The following WWC1 variants were observed in gnomAD, a reference collection of about 807,000 sequenced individuals.
WWC1 encodes the protein protein KIBRA.
A neutral mutation model predicts 138.4 loss-of-function variants in WWC1; 55 were observed. That is an observed-to-expected ratio of 0.40 (90% CI 0.32 to 0.50). The LOEUF (loss-of-function observed/expected upper bound fraction) is 0.50. WWC1 is among the 20% of genes least tolerant of loss of function. The pLI is 0.72. For synonymous variants in WWC1, 524 were observed against 564.9 expected (o/e 0.93, Z 1.03); for missense variants, 1,226 against 1,420.4 (o/e 0.86, Z 2.20).
intron 1 of WWC1, among the ~76,000 whole-genome samples, chr5:168,309,462 T>G (rs1057427593): frequency 6.6e-5 from 10 of 152,166 alleles, no homozygotes; most frequent in Non-Finnish European, 1.2e-4. Context: ...CATAGTGGAA[T>G]GTAGATCTTC....
At chr5:168,448,616 A>AT (rs756135846) in intron 17 of WWC1, among the ~76,000 whole-genome samples, 1,403 of 117,578 alleles carry the variant, frequency 0.012, 26 homozygotes, top group Non-Finnish European at 0.015. Context: ...CTCAAATAAG[A>AT]TTTTTTTTTT....
chr5:168,305,912 G>A (rs1240327321), intron 1 of WWC1, among the ~76,000 whole-genome samples: 4 of 152,214 alleles, frequency 2.6e-5, no homozygotes, highest in Non-Finnish European at 4.4e-5. Flanking sequence ...AAGCATAGCT[G>A]TAGGTAAATA....
chr5:168,337,376 C>A (rs1773575197), intron 1 of WWC1, among the ~76,000 whole-genome samples: 1 of 152,096 alleles, frequency 6.6e-6, no homozygotes, highest in South Asian at 2.1e-4. Flanking sequence ...TCCTCTCTTT[C>A]CTACACCCCT....
At chr5:168,309,306 A>G (rs1048842641) in intron 1 of WWC1, among the ~76,000 whole-genome samples, 5 of 152,194 alleles carry the variant, frequency 3.3e-5, no homozygotes. Flanking sequence ...TGTCTAGACA[A>G]GCACCGCAAA....
At chr5:168,363,901 G>A (rs1031451955) in intron 1 of WWC1, among the ~76,000 whole-genome samples, 1 of 152,188 alleles carries the variant, frequency 6.6e-6, no homozygotes, top group Non-Finnish European at 1.5e-5. Flanking sequence ...CCACCACCGT[G>A]TATCTCTTAG....
chr5:168,375,682 C>G (rs1777116000), intron 2 of WWC1, among the ~76,000 whole-genome samples: 1 of 152,064 alleles, frequency 6.6e-6, no homozygotes, highest in Non-Finnish European at 1.5e-5. Flanking sequence ...TCAAGCAATT[C>G]TCCTGCCTCA....
intron 1 of WWC1, among the ~76,000 whole-genome samples, chr5:168,364,945 C>A (rs1010244804): frequency 2.6e-5 from 4 of 152,176 alleles, no homozygotes; most frequent in African/African-American, 9.7e-5. Flanking sequence ...GAAGGCTCTG[C>A]TGTGTGTCAT....
At chr5:168,430,066 T>C (rs1436433724) in intron 13 of WWC1, 71 bp from the exon 14 acceptor site, 1 of 1,286,992 alleles carries the variant, frequency 7.8e-7, no homozygotes. Context: ...CTGTGACTTT[T>C]AATGGAGAGA....
At chr5:168,324,287 A>G (rs1772355258) in intron 1 of WWC1, among the ~76,000 whole-genome samples, 1 of 152,152 alleles carries the variant, frequency 6.6e-6, no homozygotes, top group Non-Finnish European at 1.5e-5. Context: ...TACAAAAATT[A>G]GCCAGGCTGG....
At chr5:168,339,818 CTTTCTTTCTTTCTTTTTCT>C (rs1233174860) in intron 1 of WWC1, among the ~76,000 whole-genome samples, 1 of 97,548 alleles carries the variant, frequency 1.0e-5, no homozygotes, top group Non-Finnish European at 2.5e-5. Context: ...TTCTTTCTTT[CTTTCTTTCTTTCTTTTTCT>C]TTTCTTTCTT....
intron 5 of WWC1, among the ~76,000 whole-genome samples, chr5:168,402,439 G>A (rs760676533): frequency 4.6e-5 from 7 of 152,162 alleles, no homozygotes; most frequent in East Asian, 1.9e-4. Flanking sequence ...TGGAAAATCC[G>A]TGTCAAGTGT....
At chr5:168,382,768 T>C (rs1187108349) in intron 2 of WWC1, among the ~76,000 whole-genome samples, 1 of 152,234 alleles carries the variant, frequency 6.6e-6, no homozygotes, top group Non-Finnish European at 1.5e-5. Context: ...TGGAAAGCTT[T>C]CCTCATGAGG....
chr5:168,405,880 C>T (rs1235663090), intron 5 of WWC1, among the ~76,000 whole-genome samples: 1 of 152,108 alleles, frequency 6.6e-6, no homozygotes, highest in Non-Finnish European at 1.5e-5. Flanking sequence ...GCTTGTGCCA[C>T]CATGCCCAGC....
At chr5:168,332,513 A>G (rs148604142) in intron 1 of WWC1, among the ~76,000 whole-genome samples, 296 of 152,208 alleles carry the variant, frequency 1.9e-3, no homozygotes, top group African/African-American at 6.6e-3. Context: ...CAGCATGTAT[A>G]TGTGTTTTTG....
intron 15 of WWC1, 43 bp downstream of exon 15, chr5:168,431,487 T>TGGCTGGCTGGCTGACC: frequency 6.4e-7 from 1 of 1,551,686 alleles, no homozygotes; most frequent in Non-Finnish European, 8.7e-7. Flanking sequence ...GCTGGCTGGC[T>TGGCTGGCTGGCTGACC]GGCTGGCTGG....
At chr5:168,396,347 C>T (rs951857687) in intron 3 of WWC1, among the ~76,000 whole-genome samples, 1 of 152,012 alleles carries the variant, frequency 6.6e-6, no homozygotes, top group Non-Finnish European at 1.5e-5. Flanking sequence ...TGTGCCACTG[C>T]ACTGCAGCCT....
chr5:168,442,441 A>G (rs918365586), intron 16 of WWC1, among the ~76,000 whole-genome samples: 2 of 147,390 alleles, frequency 1.4e-5, no homozygotes, highest in Non-Finnish European at 3.0e-5. Flanking sequence ...TGTCTCTACA[A>G]AAAAAAAAAA....
chr5:168,351,191 T>C (rs1442945682), intron 1 of WWC1, among the ~76,000 whole-genome samples: 1 of 149,624 alleles, frequency 6.7e-6, no homozygotes, highest in Non-Finnish European at 1.5e-5. Context: ...GGGAAGGCAA[T>C]GAGCCTAGGG....
chr5:168,418,675 C>T (rs1780849893), intron 9 of WWC1, among the ~76,000 whole-genome samples: 1 of 152,148 alleles, frequency 6.6e-6, no homozygotes. Flanking sequence ...TGAGGCTTCA[C>T]TGGGGACCCA....
Sources: allele counts gnomAD v4.1 joint callset (sites outside exome capture counted in the v4.1 genomes callset), GRCh38; gene constraint gnomAD v4.1.1; transcripts MANE v1.5; gene names NCBI Gene and HGNC (gene_info 2026-07-23, HGNC 2026-07-21).